The following RNF212 variants were observed in gnomAD, a reference collection of about 807,000 sequenced individuals.
RNF212 encodes ring finger protein 212.
A neutral mutation model predicts 34.7 loss-of-function variants in RNF212; 33 were observed. The ratio of observed to expected loss-of-function variants is 0.95; its 90% CI spans 0.72 to 1.27. RNF212 has a LOEUF of 1.27. RNF212 is among the 50% of genes most tolerant of loss of function. RNF212 has a pLI of 0.00. For synonymous variants in RNF212, 140 were observed against 136.1 expected (o/e 1.03, Z -0.20); for missense variants, 377 against 362.2 (o/e 1.04, Z -0.33).
chr4:1,093,797 A>G, intron 3 of RNF212: 1 of 1,535,990 alleles, frequency 6.5e-7, no homozygotes, highest in Admixed American at 2.0e-5. Flanking sequence ...GAGCAGGGTG[A>G]GGGGGTGAGG....
At chr4:1,084,290 T>C (rs1016072305) in intron 5 of RNF212, among the ~76,000 whole-genome samples, 1 of 152,210 alleles carries the variant, frequency 6.6e-6, no homozygotes, top group African/African-American at 2.4e-5. Flanking sequence ...CCTCTTGTGA[T>C]GCTTTAAAGG....
intron 4 of RNF212, among the ~76,000 whole-genome samples, chr4:1,088,844 C>T (rs1004582042): frequency 3.3e-5 from 5 of 152,184 alleles, no homozygotes; most frequent in African/African-American, 9.7e-5. Context: ...CAAGCATTGG[C>T]GGCTTCCACA....
rs954701256 is a variant in RNF212, at chr4:1,082,130, G to C, written c.363-511C>G. On this transcript the variant is annotated intron_variant, in intron 5 of 9. Transcript: ENST00000433731. ...CAGAGCAAGAACTCATCTCAAAAAA[G>C]GAAAAGGAAGGGGAAAGGGAAAGGA... is the stretch of plus-strand genomic sequence containing the variant. 2.6e-4 allele frequency among the ~76,000 whole-genome samples: 39 copies of C among 151,742 alleles called. 2 individuals are homozygous for C. The highest frequency in any genetic ancestry group is 1.2e-4 in the Non-Finnish European group (8 of 67,912).
In RNF212 at chr4:1,096,674, C is replaced by T. The variant is rs1222366580; in HGVS notation, c.246+91G>A. 7 of 838,064 alleles carry T rather than the reference C, an allele frequency of 8.4e-6. No homozygotes were observed. In the East Asian group the frequency reaches 1.7e-4, roughly 20 times the overall value. 51.9% of individuals were successfully genotyped at this position (838,064 alleles called of 1,614,324 possible). ...TCTCGGGATAGTGCACCTGGCTCAT[C>T]ACAGAACCAAGCACACCCCTCATAG... On this transcript the variant is annotated intron_variant, in intron 3 of 9. Transcript: ENST00000433731.
chr4:1,111,408 G>C (rs919847786), intron 1 of RNF212, among the ~76,000 whole-genome samples: 6 of 152,082 alleles, frequency 3.9e-5, no homozygotes, highest in African/African-American at 1.4e-4. Context: ...GGCTCTCACA[G>C]GATACAGGCC....
chr4:1,058,205 T>C (rs1054978038), intron 4 of RNF212: 5 of 208,092 alleles, frequency 2.4e-5, no homozygotes, highest in African/African-American at 1.2e-4. Flanking sequence ...TTTATTTTGC[T>C]GACAATTTCC....
At chr4:1,088,161 G>A (rs542726504) in intron 4 of RNF212, among the ~76,000 whole-genome samples, 8 of 152,312 alleles carry the variant, frequency 5.3e-5, no homozygotes, top group Non-Finnish European at 2.9e-5. Flanking sequence ...TTCCTAGAGA[G>A]TTGTTGAATG....
intron 5 of RNF212, among the ~76,000 whole-genome samples, chr4:1,084,452 G>A (rs750032678): frequency 2.6e-5 from 4 of 152,174 alleles, no homozygotes; most frequent in Non-Finnish European, 4.4e-5. Flanking sequence ...CATTGTGGCC[G>A]GGTGCAGTGG....
At chr4:1,060,095 A>T (rs1717645770) in intron 3 of RNF212, among the ~76,000 whole-genome samples, 1 of 52,058 alleles carries the variant, frequency 1.9e-5, no homozygotes, top group South Asian at 5.2e-4. Flanking sequence ...GCGAAACTCC[A>T]TCAAAAAAAA....
intron 2 of RNF212, chr4:1,100,398 A>ATTTTT (rs58088919): frequency 1.2e-5 from 1 of 84,342 alleles, no homozygotes; most frequent in African/African-American, 5.3e-5. Flanking sequence ...ATTTTCCATA[A>ATTTTT]TTTTTTTTTT....
chr4:1,085,480 C>T (rs1430008087), intron 5 of RNF212, among the ~76,000 whole-genome samples: 1 of 152,212 alleles, frequency 6.6e-6, no homozygotes, highest in Non-Finnish European at 1.5e-5. Context: ...CAGAACATGC[C>T]ACATATATGT....
rs113361461 is a variant in RNF212, at chr4:1,088,813, T to C, written c.303+1969A>G. On this transcript the variant is annotated intron_variant, in intron 4 of 9. Transcript: ENST00000433731. ...GGGTCCAAGGTACAATTTGGGCTGC[T>C]GCTTCAGAGGGAGCAAACCCCAAGC... Among the ~76,000 whole-genome samples the C allele has an allele frequency of 1.9e-3, 286 of 152,380 alleles. 2 individuals are homozygous for C. Among genetic ancestry groups the C allele is most frequent in the Middle Eastern group, 0.014 (4 of 294 alleles).
At position 1,073,607 on chromosome 4, in the gene RNF212, C is replaced by T; in HGVS notation, c.566G>A (p.Gly189Glu). 1 of 1,606,676 alleles carries T rather than the reference C, an allele frequency of 6.2e-7. No homozygotes were observed. The highest frequency in any genetic ancestry group is 8.5e-7 in the Non-Finnish European group (1 of 1,173,474). The change falls in exon 9 of 10, where the codon GGA (glycine) becomes GAA (glutamate). Residue 189 changes from glycine to glutamate, a missense_variant. Physicochemically the swap from Gly to Glu is moderately conservative, Grantham distance 98. Transcript: ENST00000433731. ...CAGGACATTTTACTTACCCATTCGTCCATCTTGAGGTGGACTAATCATGGA... is the reference window on the plus strand; with the variant it reads ...CAGGACATTTTACTTACCCATTCGTTCATCTTGAGGTGGACTAATCATGGA... ...RISMISPPQD[G>E]RMGPHLTASF... is the part of the protein sequence containing the mutation.
chr4:1,059,307 A>C (rs1717579755), intron 3 of RNF212, among the ~76,000 whole-genome samples: 1 of 152,246 alleles, frequency 6.6e-6, no homozygotes, highest in Non-Finnish European at 1.5e-5. Flanking sequence ...GGTGACCCTG[A>C]GAAGGCTCCA....
rs747767304 is a variant in RNF212, at chr4:1,108,362, G to A, written c.152C>T (p.Thr51Ile). 2 of 1,508,684 alleles carry A rather than the reference G, an allele frequency of 1.3e-6. No individual in the cohort carries two copies. Among genetic ancestry groups the A allele is most frequent in the Non-Finnish European group, 1.8e-6 (2 of 1,138,090 alleles). 93.5% of individuals were successfully genotyped at this position (1,508,684 alleles called of 1,614,324 possible). ...ECLICKAPCR[T>I]VLLSKHTDAD... ...ACTTACATGCTTTGAAAGCAAAACTGTACGACAAGGAGCTTTACAAATCAA... is the reference window on the plus strand; with the variant it reads ...ACTTACATGCTTTGAAAGCAAAACTATACGACAAGGAGCTTTACAAATCAA... Residue 51 changes from threonine to isoleucine, a missense_variant, in exon 2 of 10, where the codon ACA becomes ATA. By Grantham distance (89) the Thr-to-Ile change is moderately conservative. Transcript: ENST00000433731.
At chr4:1,093,240 G>T (rs1722475975) in intron 3 of RNF212, 2 of 425,014 alleles carry the variant, frequency 4.7e-6, no homozygotes, top group Non-Finnish European at 3.8e-6. Flanking sequence ...GTTACTGAGG[G>T]CCCCAGAGAG....
rs766639705 is a variant in RNF212, at chr4:1,073,065, G to A, written c.703C>T (p.Leu235Phe). 52 of 1,614,048 alleles carry A rather than the reference G, an allele frequency of 3.2e-5. No individual in the cohort carries two copies. The South Asian group carries it at 5.2e-4, about 16-fold the overall frequency. ...CTTCCAGAACTGAACGCTAGGAGGA[G>A]CAGCCAGTGAGGACAGACGTCTATG... The part of the protein sequence containing the change: ...FCIDVCPHWL[L>F]LLAFSSGRHG... The change falls in exon 10 of 10, where the codon CTC (leucine) becomes TTC (phenylalanine). Residue 235 changes from leucine to phenylalanine, a missense_variant. Physicochemically the swap from Leu to Phe is conservative, Grantham distance 22. Transcript: ENST00000433731.
At chr4:1,103,980 G>C (rs936937389) in intron 2 of RNF212, among the ~76,000 whole-genome samples, 1 of 151,040 alleles carries the variant, frequency 6.6e-6, no homozygotes, top group African/African-American at 2.4e-5. Flanking sequence ...TGTTCTAGCA[G>C]AATCTACACA....
chr4:1,067,737 G>T (rs10020875), downstream of RNF212, among the ~76,000 whole-genome samples: 5 of 151,942 alleles, frequency 3.3e-5, no homozygotes, highest in African/African-American at 1.2e-4. Flanking sequence ...GGTGCTGCAC[G>T]CCTGTAATTA....
Sources: gnomAD v4.1 joint callset for allele counts (sites outside exome capture counted in the v4.1 genomes callset) on GRCh38, gnomAD v4.1.1 for gene constraint, MANE v1.5 for transcripts, NCBI Gene and HGNC (gene_info 2026-07-23, HGNC 2026-07-21) for gene names.